The following CPA6 variants were observed in gnomAD, a reference collection of about 807,000 sequenced individuals.
CPA6 encodes carboxypeptidase A6.
In CPA6, 58 loss-of-function variants were observed where a neutral mutation model predicts 63.3. The observed-to-expected ratio is 0.92, with a 90% CI of 0.74 to 1.14. The LOEUF (loss-of-function observed/expected upper bound fraction) is 1.14, where lower values mean the gene tolerates loss of function less well. Among genes scored for constraint, CPA6 ranks in the 50% most tolerant of loss-of-function variants. The probability of loss-of-function intolerance (pLI) is 0.00; values close to 1 mark genes in which losing one functional copy is unlikely to be tolerated. For missense variants in CPA6, 565 were observed against 526.6 expected, an observed-to-expected ratio of 1.07 and a Z score of -0.71; for synonymous variants, 185 against 179.0, an observed-to-expected ratio of 1.03 and a Z score of -0.27.
chr8:67,454,404 GA>G (rs1341755804), intron 8 of CPA6, among the ~76,000 whole-genome samples: 1 of 152,122 alleles, frequency 6.6e-6, no homozygotes, highest in Non-Finnish European at 1.5e-5. Flanking sequence ...ATTCTGATGA[GA>G]AAATGTCTGC....
intron 8 of CPA6, among the ~76,000 whole-genome samples, chr8:67,464,103 T>C (rs886650434): frequency 3.3e-5 from 5 of 152,240 alleles, no homozygotes; most frequent in African/African-American, 1.2e-4. Flanking sequence ...CTTTCCACAG[T>C]GGCTGAACTA....
chr8:67,659,600 T>C (rs1470909146), intron 1 of CPA6, among the ~76,000 whole-genome samples: 1 of 152,214 alleles, frequency 6.6e-6, no homozygotes, highest in Non-Finnish European at 1.5e-5. Flanking sequence ...TGGATTATTA[T>C]TGAAAATATA....
chr8:67,739,555 G>A (rs759358147), intron 1 of CPA6, among the ~76,000 whole-genome samples: 2 of 152,250 alleles, frequency 1.3e-5, no homozygotes, highest in Middle Eastern at 3.4e-3. Context: ...TGTCACTGAT[G>A]AGCTGACATG....
At chr8:67,724,950 T>C (rs1817570130) in intron 1 of CPA6, among the ~76,000 whole-genome samples, 1 of 152,244 alleles carries the variant, frequency 6.6e-6, no homozygotes, top group Non-Finnish European at 1.5e-5. Context: ...GTTGTTAGCA[T>C]TCTGTGTTAA....
intron 6 of CPA6, among the ~76,000 whole-genome samples, chr8:67,487,690 C>G (rs530307361): frequency 2.0e-5 from 3 of 152,290 alleles, no homozygotes; most frequent in Non-Finnish European, 4.4e-5. Flanking sequence ...TAAAAGTGTT[C>G]CTATTTCTCC....
chr8:67,668,621 T>C (rs1025397862), intron 1 of CPA6, among the ~76,000 whole-genome samples: 1 of 152,186 alleles, frequency 6.6e-6, no homozygotes, highest in Non-Finnish European at 1.5e-5. Flanking sequence ...AGGATACCTG[T>C]TGGTTGGTGA....
chr8:67,639,563 T>C (rs1386377630), intron 1 of CPA6, among the ~76,000 whole-genome samples: 2 of 151,412 alleles, frequency 1.3e-5, no homozygotes, highest in Non-Finnish European at 2.9e-5. Flanking sequence ...CCAGGGAACA[T>C]GGTGTGGTGC....
At chr8:67,559,728 G>A (rs1157106497) in intron 2 of CPA6, among the ~76,000 whole-genome samples, 1 of 151,838 alleles carries the variant, frequency 6.6e-6, no homozygotes, top group Non-Finnish European at 1.5e-5. Flanking sequence ...CCATATCACA[G>A]CACACAACTG....
chr8:67,497,531 C>T (rs1335965769), intron 6 of CPA6, among the ~76,000 whole-genome samples: 2 of 152,098 alleles, frequency 1.3e-5, no homozygotes, highest in East Asian at 1.9e-4. Context: ...ATGAATAATG[C>T]TGCTATGAGC....
rs1008849504 is a variant in CPA6, at chr8:67,634,099, T to C, written c.117-9848A>G. On this transcript the variant is annotated intron_variant, in intron 1 of 10. Transcript: ENST00000297770. ...TTAAAATGACATCATTAGGGTGTTT[T>C]TCCTAATCCACTAGTGTTAAAAACA... Among the ~76,000 whole-genome samples the C allele has an allele frequency of 1.8e-4, 27 of 151,518 alleles. 1 individual carries two copies. Among genetic ancestry groups the C allele is most frequent in the Admixed American group, 1.1e-3 (17 of 15,228 alleles).
chr8:67,541,319 C>A (rs760800716), intron 2 of CPA6, among the ~76,000 whole-genome samples: 1 of 152,128 alleles, frequency 6.6e-6, no homozygotes. Flanking sequence ...TGCCTAATTT[C>A]TGCCTCCAAA....
At chr8:67,479,963 C>T (rs992875882) in intron 8 of CPA6, among the ~76,000 whole-genome samples, 7 of 151,504 alleles carry the variant, frequency 4.6e-5, no homozygotes, top group East Asian at 1.9e-4. Flanking sequence ...GAACAGCCCC[C>T]GGCTCCACTT....
At chr8:67,468,854 C>A (rs1810990861) in intron 8 of CPA6, among the ~76,000 whole-genome samples, 2 of 152,154 alleles carry the variant, frequency 1.3e-5, no homozygotes, top group South Asian at 4.1e-4. Flanking sequence ...CCATACAGGG[C>A]CTCTTGCTGT....
At chr8:67,474,826 T>C (rs1811138902) in intron 8 of CPA6, among the ~76,000 whole-genome samples, 1 of 151,820 alleles carries the variant, frequency 6.6e-6, no homozygotes, top group Non-Finnish European at 1.5e-5. Context: ...AAATAAAAAA[T>C]AAATTAGTCA....
chr8:67,673,583 G>A (rs994860348), intron 1 of CPA6, among the ~76,000 whole-genome samples: 89 of 148,964 alleles, frequency 6.0e-4, no homozygotes, highest in African/African-American at 2.1e-3. Context: ...TAGTAGAGAC[G>A]GGGTTTCACC....
chr8:67,475,735 C>T (rs899040502), intron 8 of CPA6, among the ~76,000 whole-genome samples: 11 of 150,760 alleles, frequency 7.3e-5, no homozygotes, highest in Non-Finnish European at 1.3e-4. Context: ...CTCTTTTTTT[C>T]TTTCTTTCCT....
At chr8:67,708,504 G>A (rs1817188022) in intron 1 of CPA6, among the ~76,000 whole-genome samples, 2 of 152,118 alleles carry the variant, frequency 1.3e-5, no homozygotes, top group African/African-American at 4.8e-5. Flanking sequence ...GAAACAAGAG[G>A]GATGGGCCAT....
In CPA6 at chr8:67,428,734, C is replaced by T. The variant is rs543914559; in HGVS notation, c.1042-603G>A. On this transcript the variant is annotated intron_variant, in intron 9 of 10. Transcript: ENST00000297770. ...TCCTGGCCTTGTGATCGGCCCACCT[C>T]GGCCTCCCAAAGTGCTGGTACTACA... Among the ~76,000 whole-genome samples the T allele has an allele frequency of 4.6e-5, 7 of 152,270 alleles. No individual in the cohort carries two copies. The East Asian group carries it at 5.8e-4, about 13-fold the overall frequency.
At chr8:67,589,440 T>C (rs1054697130) in intron 2 of CPA6, among the ~76,000 whole-genome samples, 1 of 152,170 alleles carries the variant, frequency 6.6e-6, no homozygotes, top group Non-Finnish European at 1.5e-5. Context: ...AGCAAAATGT[T>C]TGTTTACAGG....
Sources: allele counts gnomAD v4.1 joint callset (sites outside exome capture counted in the v4.1 genomes callset), GRCh38; gene constraint gnomAD v4.1.1; transcripts MANE v1.5; gene names NCBI Gene and HGNC (gene_info 2026-07-23, HGNC 2026-07-21).